PRDM6: variants seen among roughly 807,000 people sequenced by gnomAD.
PRDM6 encodes the protein PR/SET domain 6.
A neutral mutation model predicts 60.8 loss-of-function variants in PRDM6; 25 were observed. The ratio of observed to expected loss-of-function variants is 0.41; its 90% CI spans 0.30 to 0.57. The LOEUF is 0.57. Among genes scored for constraint, PRDM6 ranks in the 20% least tolerant of loss-of-function variants. The pLI is 0.27. For missense variants in PRDM6, 839 were observed against 821.3 expected (o/e 1.02, Z -0.26); for synonymous variants, 407 against 357.4 (o/e 1.14, Z -1.57).
intron 3 of PRDM6, among the ~76,000 whole-genome samples, chr5:123,139,435 A>G (rs1042236202): frequency 1.3e-5 from 2 of 152,194 alleles, no homozygotes; most frequent in Admixed American, 6.6e-5. Context: ...TTCTCATGGA[A>G]ACATTCAGAA....
intron 7 of PRDM6, among the ~76,000 whole-genome samples, chr5:123,185,453 C>T (rs1766265236): frequency 6.6e-6 from 1 of 152,186 alleles, no homozygotes; most frequent in African/African-American, 2.4e-5. Flanking sequence ...TCCAGGAGCT[C>T]TGGAGAGGGG....
intron 2 of PRDM6, among the ~76,000 whole-genome samples, chr5:123,091,248 GA>G (rs200647159): frequency 6.0e-5 from 9 of 150,838 alleles, no homozygotes; most frequent in East Asian, 1.9e-4. Context: ...AGAAGGAAAA[GA>G]AAAAAAAATG....
chr5:123,100,575 A>G (rs1764079551), intron 3 of PRDM6, among the ~76,000 whole-genome samples: 1 of 152,240 alleles, frequency 6.6e-6, no homozygotes, highest in South Asian at 2.1e-4. Context: ...AGCAAATTAT[A>G]TTGGGAATCA....
At chr5:123,111,838 A>G (rs530912775) in intron 3 of PRDM6, among the ~76,000 whole-genome samples, 2 of 152,018 alleles carry the variant, frequency 1.3e-5, no homozygotes, top group African/African-American at 4.8e-5. Context: ...CTTCAGGTCC[A>G]CAGTTGGTTT....
At chr5:123,183,314 G>A (rs576409551) in intron 7 of PRDM6, among the ~76,000 whole-genome samples, 1 of 152,262 alleles carries the variant, frequency 6.6e-6, no homozygotes, top group East Asian at 1.9e-4. Context: ...AGAATTCTCA[G>A]GGTTGAGCTG....
rs1766470811 is a variant in PRDM6, at chr5:123,193,605, A to G, written c.*6404A>G. The stretch of plus-strand genomic sequence containing the variant: ...GTATTTCATGAAAAAGCCTTCCCCC[A>G]GTTTAAATGCAGAGGCTAAGGTGAT... On this transcript the variant is annotated 3_prime_UTR_variant, in exon 8 of 8. Transcript: ENST00000407847. 1 of 152,210 alleles carries G rather than the reference A, an allele frequency of 6.6e-6. No individual in the cohort carries two copies. Among genetic ancestry groups the G allele is most frequent in the South Asian group, 2.1e-4 (1 of 4,834 alleles). The allele number at this position is 152,210 out of a possible 1,614,324, so 9.4% of individuals were successfully genotyped here.
chr5:123,146,741 C>T (rs1765248268), intron 3 of PRDM6, among the ~76,000 whole-genome samples: 1 of 152,144 alleles, frequency 6.6e-6, no homozygotes, highest in Non-Finnish European at 1.5e-5. Flanking sequence ...GTCTAGTTTA[C>T]TGATCCCCTT....
intron 7 of PRDM6, among the ~76,000 whole-genome samples, chr5:123,185,561 A>G (rs1055266483): frequency 2.0e-5 from 3 of 152,212 alleles, no homozygotes; most frequent in Non-Finnish European, 4.4e-5. Flanking sequence ...GATACATTAA[A>G]GCTGACATTA....
intron 3 of PRDM6, among the ~76,000 whole-genome samples, chr5:123,137,871 A>G (rs1288636467): frequency 1.3e-5 from 2 of 152,194 alleles, no homozygotes; most frequent in Non-Finnish European, 2.9e-5. Flanking sequence ...AGTTTTACAA[A>G]TAATATTGCT....
intron 2 of PRDM6, among the ~76,000 whole-genome samples, chr5:123,094,895 T>G (rs1225424362): frequency 6.6e-6 from 1 of 152,154 alleles, no homozygotes; most frequent in Non-Finnish European, 1.5e-5. Flanking sequence ...AAGACCCACA[T>G]TTTCTCCCTC....
intron 5 of PRDM6, among the ~76,000 whole-genome samples, chr5:123,167,402 T>C (rs895483385): frequency 3.3e-5 from 5 of 152,136 alleles, no homozygotes; most frequent in Admixed American, 6.5e-5. Context: ...CTTTTTTTTT[T>C]TTTTGAGACG....
At chr5:123,176,235 C>T (rs1003379937) in intron 6 of PRDM6, among the ~76,000 whole-genome samples, 15 of 143,668 alleles carry the variant, frequency 1.0e-4, no homozygotes, top group African/African-American at 3.7e-4. Context: ...AGAACAGCTC[C>T]GTCATTAGAC....
chr5:123,146,307 C>T (rs79716589), intron 3 of PRDM6, among the ~76,000 whole-genome samples: 8 of 152,236 alleles, frequency 5.3e-5, no homozygotes, highest in East Asian at 3.9e-4. Context: ...CTCCATAAGA[C>T]GTGTTGCACG....
intron 6 of PRDM6, among the ~76,000 whole-genome samples, chr5:123,176,547 C>A (rs543789223): frequency 6.6e-6 from 1 of 152,008 alleles, no homozygotes; most frequent in African/African-American, 2.4e-5. Context: ...CCCATCTCTA[C>A]AAAAAATATA....
chr5:123,180,076 T>C, intron 6 of PRDM6, 71 bp from the exon 7 acceptor site: 2 of 1,411,854 alleles, frequency 1.4e-6, no homozygotes, highest in Non-Finnish European at 1.9e-6. Context: ...TTTGGCCCCT[T>C]GTCATATGAT....
At chr5:123,145,849 TAA>T (rs2126865028) in intron 3 of PRDM6, among the ~76,000 whole-genome samples, 2 of 152,312 alleles carry the variant, frequency 1.3e-5, no homozygotes, top group East Asian at 3.9e-4. Flanking sequence ...GAAAACATAA[TAA>T]TTTAAAGAGT....
At chr5:123,108,216 G>A (rs1764237943) in intron 3 of PRDM6, among the ~76,000 whole-genome samples, 1 of 152,114 alleles carries the variant, frequency 6.6e-6, no homozygotes, top group Admixed American at 6.5e-5. Context: ...AGCTGCCTCA[G>A]ATAATGAAGT....
intron 2 of PRDM6, among the ~76,000 whole-genome samples, chr5:123,092,156 A>G (rs563561231): frequency 6.5e-4 from 99 of 152,372 alleles, no homozygotes; most frequent in Non-Finnish European, 1.2e-3. Context: ...TCAGAGTTTC[A>G]GAAAGTTTTA....
intron 6 of PRDM6, among the ~76,000 whole-genome samples, chr5:123,174,047 T>A (rs1052277628): frequency 1.3e-5 from 2 of 152,206 alleles, no homozygotes; most frequent in African/African-American, 4.8e-5. Context: ...AGGTTGAGTA[T>A]CCCTTGTCCA....
Sources: gnomAD v4.1 joint callset for allele counts (sites outside exome capture counted in the v4.1 genomes callset) on GRCh38, gnomAD v4.1.1 for gene constraint, MANE v1.5 for transcripts, NCBI Gene and HGNC (gene_info 2026-07-23, HGNC 2026-07-21) for gene names.